The following ATL3 variants were observed in gnomAD, a reference collection of about 807,000 sequenced individuals.
The protein encoded by ATL3 is atlastin-3.
A neutral mutation model predicts 69.5 loss-of-function variants in ATL3; 49 were observed. The ratio of observed to expected loss-of-function variants is 0.71; its 90% CI spans 0.56 to 0.89. The LOEUF is 0.89. ATL3 is among the 40% of genes least tolerant of loss of function. The pLI is 0.00. For synonymous variants in ATL3, 214 were observed against 224.1 expected (o/e 0.95, Z 0.40); for missense variants, 606 against 645.7 (o/e 0.94, Z 0.67).
rs1009222404 is a variant in ATL3, at chr11:63,625,036, T to A, written c.*4283A>T. 2.6e-5 allele frequency: 4 copies of A among 152,180 alleles called. No homozygotes were observed. The highest frequency in any genetic ancestry group is 5.9e-5 in the Non-Finnish European group (4 of 68,036). The allele number at this position is 152,180 out of a possible 1,614,324, so 9.4% of individuals were successfully genotyped here. A position where few individuals can be genotyped will look rare whatever the true frequency, so the allele number is the denominator to read the frequency against. On this transcript the variant is annotated 3_prime_UTR_variant, in exon 13 of 13. Transcript: ENST00000398868. ...TACAAAGCTAGGAATCTGAACTTTT[T>A]AAACAAGCCTGCTAGGTAAGTCTTA...
At chr11:63,661,933 C>T (rs569959768) in intron 1 of ATL3, among the ~76,000 whole-genome samples, 17 of 151,684 alleles carry the variant, frequency 1.1e-4, no homozygotes, top group African/African-American at 3.9e-4. Context: ...TTCATTCAGG[C>T]TAGACATGGT....
rs1400195779 is a variant in ATL3, at chr11:63,627,863, A to C, written c.*1456T>G. On this transcript the variant is annotated 3_prime_UTR_variant, in exon 13 of 13. Transcript: ENST00000398868. ...ATCTTAAAGCTACCAGACTAGCCAAAGTAAAATTAAATAGATAATTCACTA... is the reference window on the plus strand; with the variant it reads ...ATCTTAAAGCTACCAGACTAGCCAACGTAAAATTAAATAGATAATTCACTA... The C allele has an allele frequency of 6.6e-6, 1 of 152,258 alleles. No homozygotes were observed. The highest frequency in any genetic ancestry group is 1.9e-4 in the East Asian group (1 of 5,200). 9.4% of individuals were successfully genotyped at this position (152,258 alleles called of 1,614,324 possible).
At chr11:63,646,151 A>G (rs572856721) in intron 6 of ATL3, among the ~76,000 whole-genome samples, 11 of 152,252 alleles carry the variant, frequency 7.2e-5, no homozygotes, top group African/African-American at 1.7e-4. Flanking sequence ...GGTCTCCCCA[A>G]AGTGCTGGGA....
Position 63,629,370 on chromosome 11 carries a change from A to C in ATL3, c.1575T>G (p.Thr525=). The change falls in exon 13 of 13, where the codon ACT becomes ACG. Residue 525 remains threonine, a synonymous_variant. Transcript: ENST00000398868. ...SSHIGNSTQA[T]VRDAVVGRPS... The stretch of plus-strand genomic sequence containing the variant: ...GTCTTCCAACAACTGCATCCCTCAC[A>C]GTGGCCTGAGTGGAATTACCGATAT... 1 of 1,614,218 alleles carries C rather than the reference A, an allele frequency of 6.2e-7. No individual in the cohort carries two copies.
At chr11:63,637,777 A>G (rs1346615191) in intron 8 of ATL3, 6 of 152,224 alleles carry the variant, frequency 3.9e-5, no homozygotes, top group African/African-American at 1.4e-4. Flanking sequence ...ATACTCCACC[A>G]ACCAGACTAT....
At chr11:63,656,169 A>C (rs925346321) in intron 3 of ATL3, among the ~76,000 whole-genome samples, 2 of 151,626 alleles carry the variant, frequency 1.3e-5, no homozygotes, top group Admixed American at 6.6e-5. Flanking sequence ...GCTTGCAGTG[A>C]GCCGAGATCA....
chr11:63,656,279 T>TA (rs1940245250), intron 3 of ATL3, among the ~76,000 whole-genome samples: 1 of 150,962 alleles, frequency 6.6e-6, no homozygotes, highest in Non-Finnish European at 1.5e-5. Flanking sequence ...AAAACAGTGA[T>TA]AAAATCTTAA....
intron 1 of ATL3, among the ~76,000 whole-genome samples, chr11:63,659,893 T>C (rs1940369492): frequency 6.6e-6 from 1 of 152,038 alleles, no homozygotes; most frequent in South Asian, 2.1e-4. Context: ...GCCGAGATCA[T>C]GCCATTGCAC....
In ATL3 at chr11:63,646,514, G is replaced by A. The variant is rs1279500469; in HGVS notation, c.611C>T (p.Pro204Leu). 6.3e-7 allele frequency: 1 copy of A among 1,585,622 alleles called. No homozygotes were observed. The highest frequency in any genetic ancestry group is 8.6e-7 in the Non-Finnish European group (1 of 1,158,464). The change falls in exon 6 of 13, where the codon CCT (proline) becomes CTT (leucine). Residue 204 changes from proline (P) to leucine (L), a missense_variant. Transcript: ENST00000398868. ...RLAMDEIFQKPFQTLMFLVRD... is the reference protein window; with the variant it reads ...RLAMDEIFQKLFQTLMFLVRD... ...TAAAATAAATATTCTAACCTGGAAA[G>A]GCTTTTGGAAAATTTCATCCATTGC... is the stretch of plus-strand genomic sequence containing the variant.
At chr11:63,639,606 T>G (rs996178363) in intron 8 of ATL3, among the ~76,000 whole-genome samples, 2 of 151,828 alleles carry the variant, frequency 1.3e-5, no homozygotes, top group African/African-American at 4.8e-5. Flanking sequence ...AATAAAAAGA[T>G]TAGCCAGGCA....
chr11:63,660,729 ACT>A (rs1940394522), intron 1 of ATL3, among the ~76,000 whole-genome samples: 1 of 152,106 alleles, frequency 6.6e-6, no homozygotes, highest in East Asian at 1.9e-4. Context: ...ATATTGCAAG[ACT>A]CTATCTCAAA....
At position 63,625,341 on chromosome 11, in the gene ATL3, T is replaced by C. The variant is rs1251515938; in HGVS notation, c.*3978A>G. 2 of 152,130 alleles carry C rather than the reference T, an allele frequency of 1.3e-5. No homozygotes were observed. The highest frequency in any genetic ancestry group is 4.8e-5 in the African/African-American group (2 of 41,428). 9.4% of individuals were successfully genotyped at this position (152,130 alleles called of 1,614,324 possible). On this transcript the variant is annotated 3_prime_UTR_variant, in exon 13 of 13. Transcript: ENST00000398868. Reference sequence around the variant, plus strand: ...GAAGATCAAATCATCCTAAATTACATTTCAATAGTTCCAGGAAAGAAAAAA... The same window carrying C: ...GAAGATCAAATCATCCTAAATTACACTTCAATAGTTCCAGGAAAGAAAAAA...
intron 5 of ATL3, 112 bp downstream of exon 5, chr11:63,651,824 A>C: frequency 7.0e-7 from 1 of 1,422,128 alleles, no homozygotes; most frequent in South Asian, 1.5e-5. Context: ...ATGAACCAAA[A>C]ACCTTCCTCT....
At chr11:63,663,903 G>C (rs1292331933) in intron 1 of ATL3, among the ~76,000 whole-genome samples, 1 of 152,124 alleles carries the variant, frequency 6.6e-6, no homozygotes, top group Non-Finnish European at 1.5e-5. Flanking sequence ...TGAACAATGG[G>C]AAGTGACTGG....
upstream of ATL3, chr11:63,671,584 G>A: frequency 7.0e-7 from 1 of 1,428,694 alleles, no homozygotes; most frequent in Non-Finnish European, 9.2e-7. Flanking sequence ...AGCGCACGCG[G>A]CAGAATCCCG....
At chr11:63,634,662 CT>C (rs1939456823) in intron 10 of ATL3, among the ~76,000 whole-genome samples, 1 of 152,156 alleles carries the variant, frequency 6.6e-6, no homozygotes, top group Non-Finnish European at 1.5e-5. Context: ...AAATGACATT[CT>C]AGTTGCAAAT....
At chr11:63,634,302 C>T (rs1332413626) in intron 10 of ATL3, among the ~76,000 whole-genome samples, 7 of 151,478 alleles carry the variant, frequency 4.6e-5, no homozygotes, top group Non-Finnish European at 7.4e-5. Context: ...GTCAGGAGAT[C>T]GAGATCATCC....
At chr11:63,664,057 T>C (rs952331190) in intron 1 of ATL3, among the ~76,000 whole-genome samples, 4 of 152,180 alleles carry the variant, frequency 2.6e-5, no homozygotes, top group Non-Finnish European at 4.4e-5. Context: ...AGATTTCGTA[T>C]AGCAGAACTG....
intron 5 of ATL3, among the ~76,000 whole-genome samples, chr11:63,647,573 T>C (rs1288999650): frequency 6.6e-6 from 1 of 152,196 alleles, no homozygotes; most frequent in Non-Finnish European, 1.5e-5. Flanking sequence ...GTCTTTATAC[T>C]AGCATTTAAA....
Sources: gnomAD v4.1 joint callset for allele counts (sites outside exome capture counted in the v4.1 genomes callset) on GRCh38, gnomAD v4.1.1 for gene constraint, MANE v1.5 for transcripts, NCBI Gene and HGNC (gene_info 2026-07-23, HGNC 2026-07-21) for gene names.